The following CHD6 variants were observed in gnomAD, a reference collection of about 807,000 sequenced individuals.
CHD6 encodes chromodomain helicase DNA binding protein 6, also known as ATP-dependent chromatin remodeler CHD6.
Under a neutral mutation model 276.9 loss-of-function variants are expected in CHD6, and 50 were observed. That is an observed-to-expected ratio of 0.18 (90% confidence interval 0.14 to 0.23). CHD6 has a LOEUF of 0.23. Among genes scored for constraint, CHD6 ranks in the 10% least tolerant of loss-of-function variants. CHD6 has a pLI of 1.00. For synonymous variants in CHD6, 1,173 were observed against 1,229.3 expected, an observed-to-expected ratio of 0.95 and a Z score of 0.96; for missense variants, 2,564 against 3,365.8, an observed-to-expected ratio of 0.76 and a Z score of 5.89.
intron 2 of CHD6, 124 bp downstream of exon 2, chr20:41,551,181 T>C (rs916677039): frequency 7.2e-6 from 5 of 694,714 alleles, no homozygotes; most frequent in East Asian, 2.8e-5. Flanking sequence ...TCAGTTACTA[T>C]AATACAGGCA....
intron 31 of CHD6, among the ~76,000 whole-genome samples, chr20:41,419,355 G>A (rs2047105104): frequency 6.6e-6 from 1 of 151,682 alleles, no homozygotes; most frequent in Non-Finnish European, 1.5e-5. Context: ...TGAGGCAAGT[G>A]GATTGCTTGA....
chr20:41,591,478 G>T (rs1344264130), intron 1 of CHD6, among the ~76,000 whole-genome samples: 1 of 151,056 alleles, frequency 6.6e-6, no homozygotes, highest in Non-Finnish European at 1.5e-5. Context: ...ATCACTTGAG[G>T]TCGAGAGTTC....
chr20:41,523,371 A>G (rs545281860), intron 3 of CHD6, among the ~76,000 whole-genome samples: 2 of 152,330 alleles, frequency 1.3e-5, no homozygotes, highest in South Asian at 2.1e-4. Context: ...CTTGCAAGGA[A>G]AAAAAGGAAG....
Position 41,457,249 on chromosome 20 carries a change from G to T in CHD6, c.2829+15C>A. On this transcript the variant is annotated intron_variant, in intron 18 of 36. Coordinates refer to ENST00000373233, the MANE Select transcript of CHD6 (RefSeq NM_032221.5). The stretch of plus-strand genomic sequence containing the variant: ...AATGTTCCTTAAGACTCCAGAGCAG[G>T]CCCATCACACTCACCCCATTGGTGC... The T allele has an allele frequency of 6.2e-7, 1 of 1,608,632 alleles. No individual in the cohort carries two copies. The highest frequency in any genetic ancestry group is 8.5e-7 in the Non-Finnish European group (1 of 1,175,482).
At chr20:41,487,067 G>T (rs1485220968) in intron 14 of CHD6, among the ~76,000 whole-genome samples, 6 of 152,260 alleles carry the variant, frequency 3.9e-5, no homozygotes, top group Middle Eastern at 3.4e-3. Context: ...CCCTAGTGGA[G>T]ATTCTATAAT....
In CHD6 at chr20:41,404,343, T is replaced by C. The variant is rs1490527097; in HGVS notation, c.*250A>G. 3 of 1,207,784 alleles carry C rather than the reference T, an allele frequency of 2.5e-6. No homozygotes were observed. The highest frequency in any genetic ancestry group is 3.4e-5 in the East Asian group (1 of 29,840). 74.8% of individuals were successfully genotyped at this position (1,207,784 alleles called of 1,614,324 possible). On this transcript the variant is annotated 3_prime_UTR_variant, in exon 37 of 37. Coordinates refer to ENST00000373233, the MANE Select transcript of CHD6 (RefSeq NM_032221.5). ...TCACCAAGTACTGTATTAACTATGA[T>C]TGCTGGAATGAACTGGATAACAGAA...
chr20:41,617,169 G>A (rs2045941143), intron 1 of CHD6, among the ~76,000 whole-genome samples: 2 of 152,038 alleles, frequency 1.3e-5, no homozygotes, highest in Non-Finnish European at 2.9e-5. Context: ...TCAGGGGGTG[G>A]GAAATAAGGC....
chr20:41,580,709 A>G (rs576670471), intron 1 of CHD6, among the ~76,000 whole-genome samples: 47 of 151,760 alleles, frequency 3.1e-4, no homozygotes, highest in Non-Finnish European at 5.9e-4. Flanking sequence ...TTTGGCCAAT[A>G]ATGGTAAAAA....
intron 3 of CHD6, among the ~76,000 whole-genome samples, chr20:41,529,819 ACAACAGGAGCAATCAGGGGG>A (rs1184495644): frequency 6.6e-6 from 1 of 152,066 alleles, no homozygotes; most frequent in Non-Finnish European, 1.5e-5. Flanking sequence ...CAATCAGGGG[ACAACAGGAGCAATCAGGGGG>A]CAACAGGAAC....
chr20:41,422,967 C>A (rs75555434), intron 30 of CHD6, among the ~76,000 whole-genome samples: 6,831 of 152,280 alleles, frequency 0.045, 209 homozygotes, highest in Non-Finnish European at 0.075. Flanking sequence ...ACTCCATCTA[C>A]AAATACGAGG....
chr20:41,441,643 G>A (rs2047905871), intron 25 of CHD6, among the ~76,000 whole-genome samples: 2 of 152,154 alleles, frequency 1.3e-5, no homozygotes, highest in South Asian at 4.1e-4. Flanking sequence ...ACTTTCTCTT[G>A]TCATGTGTGG....
chr20:41,411,290 G>A (rs2046834686), intron 36 of CHD6, among the ~76,000 whole-genome samples: 1 of 151,862 alleles, frequency 6.6e-6, no homozygotes, highest in Non-Finnish European at 1.5e-5. Flanking sequence ...TAGGGTGGGC[G>A]GTCTTTTGGA....
chr20:41,509,255 T>C (rs1188472697), intron 5 of CHD6, among the ~76,000 whole-genome samples: 1 of 152,078 alleles, frequency 6.6e-6, no homozygotes, highest in Non-Finnish European at 1.5e-5. Context: ...AAACAGAAGA[T>C]GGAAAGTGCC....
At chr20:41,450,452 CA>C (rs1232373967) in intron 23 of CHD6, among the ~76,000 whole-genome samples, 1 of 151,614 alleles carries the variant, frequency 6.6e-6, no homozygotes, top group Non-Finnish European at 1.5e-5. Flanking sequence ...TTTTGTTTTT[CA>C]ATCAGTTTTT....
At chr20:41,458,473 G>C (rs1362326016) in intron 17 of CHD6, among the ~76,000 whole-genome samples, 2 of 152,150 alleles carry the variant, frequency 1.3e-5, no homozygotes, top group Non-Finnish European at 2.9e-5. Flanking sequence ...CCTTCAACAT[G>C]ACCTAGTCAA....
rs567546836 is a variant in CHD6 at position 41,468,641 on chromosome 20, T to A, written c.2664+4681A>T. ...ATAGTATAGTATTTGTGTATACATT[T>A]ACAAATTATTACTTTCTCATAGCAA... On this transcript the variant is annotated intron_variant, in intron 17 of 36. Coordinates refer to ENST00000373233, the MANE Select transcript of CHD6 (RefSeq NM_032221.5). Among the ~76,000 whole-genome samples, 22 of 152,286 alleles carry A rather than the reference T, an allele frequency of 1.4e-4. No individual in the cohort carries two copies. In the South Asian group the frequency reaches 4.6e-3, roughly 32 times the overall value.
At chr20:41,562,516 AT>A (rs1461131036) in intron 1 of CHD6, among the ~76,000 whole-genome samples, 2 of 151,712 alleles carry the variant, frequency 1.3e-5, no homozygotes, top group Non-Finnish European at 2.9e-5. Flanking sequence ...TGTATTATGA[AT>A]TCTTTTAGAT....
intron 15 of CHD6, among the ~76,000 whole-genome samples, chr20:41,483,870 T>G (rs2043352034): frequency 6.6e-6 from 1 of 152,206 alleles, no homozygotes. Flanking sequence ...AAGCCACATT[T>G]TGATTTTAAA....
At chr20:41,437,613 C>T (rs566313521) in intron 26 of CHD6, among the ~76,000 whole-genome samples, 9 of 152,296 alleles carry the variant, frequency 5.9e-5, no homozygotes, top group African/African-American at 1.9e-4. Context: ...GGGTTTGGTA[C>T]TATCTGAAAT....
Sources: gnomAD v4.1 joint callset for allele counts (sites outside exome capture counted in the v4.1 genomes callset) on GRCh38, gnomAD v4.1.1 for gene constraint, MANE v1.5 for transcripts, NCBI Gene and HGNC (gene_info 2026-07-23, HGNC 2026-07-21) for gene names.